The following IQGAP1 variants were observed in gnomAD, a reference collection of about 807,000 sequenced individuals.
The protein encoded by IQGAP1 is IQ motif containing GTPase activating protein 1.
IQGAP1 carries 66 observed loss-of-function variants against 215.6 expected under a neutral mutation model. That is an observed-to-expected ratio of 0.31 (90% CI 0.25 to 0.38). IQGAP1 has a LOEUF of 0.38. Ranked by LOEUF, IQGAP1 falls within the 10% of genes least tolerant of loss-of-function variation. The pLI is 1.00. For synonymous variants in IQGAP1, 772 were observed against 728.7 expected (o/e 1.06, Z -0.96); for missense variants, 1,712 against 1,997.1 (o/e 0.86, Z 2.72).
Position 90,452,629 on chromosome 15 carries a change from G to A in IQGAP1, c.1163-146G>A, listed in dbSNP as rs1342821132. ...AGTTCACCCTTCTTCAGACAAAGGA[G>A]GCTGCTTTTTTAAAGACGAAAGTTC... On this transcript the variant is annotated intron_variant, in intron 11 of 37. Transcript: ENST00000268182. The A allele has an allele frequency of 7.6e-6, 6 of 787,860 alleles. 1 individual carries two copies. The Admixed American group carries it at 8.3e-5, about 11-fold the overall frequency. 48.8% of individuals were successfully genotyped at this position (787,860 alleles called of 1,614,324 possible).
chr15:90,394,605 C>G (rs765994326), intron 2 of IQGAP1, among the ~76,000 whole-genome samples: 1 of 152,056 alleles, frequency 6.6e-6, no homozygotes, highest in Non-Finnish European at 1.5e-5. Flanking sequence ...TCCGAGGGCC[C>G]CTCTTTCCCC....
chr15:90,426,610 T>C (rs934131709), intron 3 of IQGAP1, among the ~76,000 whole-genome samples: 2 of 152,098 alleles, frequency 1.3e-5, no homozygotes, highest in Non-Finnish European at 2.9e-5. Flanking sequence ...TAGATGAATT[T>C]TTTAATTCTT....
In IQGAP1 at chr15:90,491,468, G is replaced by T; in HGVS notation, c.4384G>T (p.Gly1462Cys). 2 of 1,614,134 alleles carry T rather than the reference G, an allele frequency of 1.2e-6. No individual in the cohort carries two copies. Among genetic ancestry groups the T allele is most frequent in the Non-Finnish European group, 1.7e-6 (2 of 1,180,026 alleles). Residue 1462 changes from glycine (G) to cysteine (C), a missense_variant, in exon 34 of 38, where the codon GGT (glycine) becomes TGT (cysteine). By Grantham distance (159) the Gly-to-Cys change is radical (BLOSUM62 -3). This residue lies in a region of IQGAP1 where 691 missense variants were observed against 923.0 expected (regional missense o/e 0.75). Coordinates refer to ENST00000268182, the MANE Select transcript of IQGAP1 (RefSeq NM_003870.4). ...LQEKKEKIQT[G>C]LKKLTELGTV... ...AGAGAAGAAAGAGAAGATCCAGACA[G>T]GTTTAAAGAAGCTAACAGAGCTTGG...
chr15:90,459,122 CA>C (rs1965727050), intron 15 of IQGAP1, among the ~76,000 whole-genome samples: 2 of 152,204 alleles, frequency 1.3e-5, no homozygotes, highest in Non-Finnish European at 2.9e-5. Flanking sequence ...TGCCTCACTT[CA>C]GGAGTCTTCT....
intron 5 of IQGAP1, among the ~76,000 whole-genome samples, chr15:90,438,035 TA>T (rs1965394229): frequency 6.6e-6 from 1 of 152,248 alleles, no homozygotes; most frequent in Admixed American, 6.5e-5. Flanking sequence ...GTTTTTCTAT[TA>T]TACATTTGGG....
intron 2 of IQGAP1, among the ~76,000 whole-genome samples, chr15:90,395,721 A>G (rs1054754463): frequency 5.9e-5 from 9 of 152,240 alleles, no homozygotes; most frequent in African/African-American, 1.9e-4. Context: ...GGTCTTGGAC[A>G]GGAGGAAGTA....
At chr15:90,491,703 G>T in intron 34 of IQGAP1, 158 bp downstream of exon 34, 1 of 633,992 alleles carries the variant, frequency 1.6e-6, no homozygotes, top group Non-Finnish European at 2.7e-6. Flanking sequence ...TGAGGGCCTT[G>T]CCCGACCTGA....
intron 33 of IQGAP1, among the ~76,000 whole-genome samples, chr15:90,488,739 T>C (rs915418897): frequency 2.0e-5 from 3 of 152,042 alleles, no homozygotes; most frequent in African/African-American, 7.2e-5. Flanking sequence ...GGAAAGGATT[T>C]GGGTGTGCAT....
chr15:90,393,003 C>T (rs925645115), intron 2 of IQGAP1, among the ~76,000 whole-genome samples: 1 of 151,942 alleles, frequency 6.6e-6, no homozygotes, highest in South Asian at 2.1e-4. Flanking sequence ...TCTCAGCCTC[C>T]CAAAGTGCTG....
At chr15:90,459,006 C>T (rs1965725127) in intron 15 of IQGAP1, among the ~76,000 whole-genome samples, 1 of 152,162 alleles carries the variant, frequency 6.6e-6, no homozygotes, top group African/African-American at 2.4e-5. Flanking sequence ...TTACAGAGCC[C>T]ACACGAGTGT....
At chr15:90,455,743 C>A (rs1965670746) in intron 14 of IQGAP1, among the ~76,000 whole-genome samples, 1 of 152,174 alleles carries the variant, frequency 6.6e-6, no homozygotes, top group Non-Finnish European at 1.5e-5. Context: ...CTTGTTATTT[C>A]TTCTATAAAA....
At position 90,474,534 on chromosome 15, in the gene IQGAP1, G is replaced by T. The variant is rs1261229165; in HGVS notation, c.2625G>T (p.Leu875=). The change falls in exon 23 of 38, where the codon CTG becomes CTT. Residue 875 remains leucine, a synonymous_variant. Coordinates refer to ENST00000268182, the MANE Select transcript of IQGAP1 (RefSeq NM_003870.4). ...TTGTGGTCCGAAAATTTGTCCACCT[G>T]CTGGACCAAAGTGACCAGGATTTTC... ...PMVVVRKFVH[L]LDQSDQDFQE... 1.2e-6 allele frequency: 2 copies of T among 1,614,100 alleles called. No individual in the cohort carries two copies. Among genetic ancestry groups the T allele is most frequent in the South Asian group, 1.1e-5 (1 of 91,090 alleles).
intron 35 of IQGAP1, among the ~76,000 whole-genome samples, chr15:90,493,653 T>C (rs937717902): frequency 3.3e-5 from 5 of 152,238 alleles, no homozygotes; most frequent in African/African-American, 1.2e-4. Context: ...CATATCTGCT[T>C]CCCATTTCCC....
In IQGAP1 at chr15:90,502,032, C is replaced by T. The variant is rs910304090; in HGVS notation, c.*1924C>T. 2 of 152,620 alleles carry T rather than the reference C, an allele frequency of 1.3e-5. No homozygotes were observed. Among genetic ancestry groups the T allele is most frequent in the Admixed American group, 6.5e-5 (1 of 15,284 alleles). 9.5% of individuals were successfully genotyped at this position (152,620 alleles called of 1,614,324 possible). On this transcript the variant is annotated 3_prime_UTR_variant, in exon 38 of 38. Coordinates refer to ENST00000268182, the MANE Select transcript of IQGAP1 (RefSeq NM_003870.4). ...AGAGGATGCCCCAACAAACTCATGGCGTTGAAACCACACAGTTCTCATTAC... is the reference window on the plus strand; with the variant it reads ...AGAGGATGCCCCAACAAACTCATGGTGTTGAAACCACACAGTTCTCATTAC...
intron 17 of IQGAP1, among the ~76,000 whole-genome samples, chr15:90,467,042 A>C (rs1034936414): frequency 6.6e-6 from 1 of 152,230 alleles, no homozygotes; most frequent in Non-Finnish European, 1.5e-5. Context: ...CCGTGAGCCA[A>C]GATCATGCCA....
chr15:90,434,368 G>T (rs1204384355), intron 5 of IQGAP1, among the ~76,000 whole-genome samples: 1 of 151,448 alleles, frequency 6.6e-6, no homozygotes, highest in African/African-American at 2.4e-5. Context: ...AACCCGGAAG[G>T]CAGAGGTTGC....
chr15:90,430,528 A>G (rs1965287599), intron 4 of IQGAP1, among the ~76,000 whole-genome samples: 1 of 152,196 alleles, frequency 6.6e-6, no homozygotes, highest in Non-Finnish European at 1.5e-5. Context: ...TGCCATTTAA[A>G]AGGATATCAA....
rs940225410 is a variant in IQGAP1 at position 90,500,254 on chromosome 15, C to T, written c.*146C>T. ...CACTCCCGATGCCACATTTTTAACT[C>T]CTCTCGCTCTGATGGGACATTTGTT... On this transcript the variant is annotated 3_prime_UTR_variant, in exon 38 of 38. Transcript: ENST00000268182. 10 of 580,688 alleles carry T rather than the reference C, an allele frequency of 1.7e-5. No homozygotes were observed. Among genetic ancestry groups the T allele is most frequent in the Non-Finnish European group, 3.1e-5 (10 of 320,756 alleles). 36.0% of individuals were successfully genotyped at this position (580,688 alleles called of 1,614,324 possible).
intron 1 of IQGAP1, 29 bp from the exon 2 acceptor site, chr15:90,390,745 G>T (rs764740645): frequency 7.1e-7 from 1 of 1,417,864 alleles, no homozygotes; most frequent in Non-Finnish European, 1.0e-6. Context: ...ACAGATCCTG[G>T]TGTTTACATT....
Sources: gnomAD v4.1 joint callset for allele counts (sites outside exome capture counted in the v4.1 genomes callset) on GRCh38, gnomAD v4.1.1 for gene constraint, gnomAD v4.1.1 regional missense constraint, MANE v1.5 for transcripts, NCBI Gene and HGNC (gene_info 2026-07-23, HGNC 2026-07-21) for gene names.